The following ZNF624 variants were observed in gnomAD, a reference collection of about 807,000 sequenced individuals.
ZNF624 encodes the protein zinc finger protein 624.
Under a neutral mutation model 74.7 loss-of-function variants are expected in ZNF624, and 43 were observed. That is an observed-to-expected ratio of 0.58 (90% CI 0.45 to 0.74). The LOEUF is 0.74. Ranked by LOEUF, ZNF624 falls within the 30% of genes least tolerant of loss-of-function variation. The probability of loss-of-function intolerance (pLI) is 0.00; values close to 1 mark genes in which losing one functional copy is unlikely to be tolerated. For synonymous variants in ZNF624, 331 were observed against 341.3 expected, an observed-to-expected ratio of 0.97 and a Z score of 0.33; for missense variants, 820 against 1,030.0, an observed-to-expected ratio of 0.80 and a Z score of 2.79.
intron 5 of ZNF624, chr17:16,624,836 G>A: frequency 1.5e-5 from 1 of 67,766 alleles, no homozygotes. Context: ...GGGCAATATA[G>A]CAAAACCCTG....
intron 3 of ZNF624, among the ~76,000 whole-genome samples, chr17:16,637,443 A>G (rs1358263534): frequency 6.6e-6 from 1 of 152,232 alleles, no homozygotes; most frequent in African/African-American, 2.4e-5. Context: ...AGCTGGAGGC[A>G]TCGCGCTACC....
In ZNF624 at chr17:16,652,842, C is replaced by T. The variant is rs555794396; in HGVS notation, c.-3+922G>A. Among the ~76,000 whole-genome samples, 3 of 152,296 alleles carry T rather than the reference C, an allele frequency of 2.0e-5. No individual in the cohort carries two copies. In the East Asian group the frequency reaches 5.8e-4, roughly 29 times the overall value. On this transcript the variant is annotated intron_variant, in intron 1 of 5. Coordinates refer to ENST00000311331, the MANE Select transcript of ZNF624 (RefSeq NM_020787.4). Reference sequence around the variant, plus strand: ...CAGGTTCTAACCCTGCTTTGGCTACCGTAAAACTGTGACCACAGGCAAGTC... The same window carrying T: ...CAGGTTCTAACCCTGCTTTGGCTACTGTAAAACTGTGACCACAGGCAAGTC...
intron 3 of ZNF624, among the ~76,000 whole-genome samples, chr17:16,635,836 T>C (rs1291402668): frequency 6.6e-6 from 1 of 151,734 alleles, no homozygotes; most frequent in Non-Finnish European, 1.5e-5. Flanking sequence ...AGTTCTGAGT[T>C]TGAATAGGAA....
chr17:16,624,007 T>C lies in ZNF624; in HGVS notation c.879A>G (p.Gln293=). Residue 293 remains glutamine, a synonymous_variant, in exon 6 of 6, where the codon CAA becomes CAG. Transcript: ENST00000311331. ...KAFHYRSLLI[Q]HQRTHTKEKP... ...TTTCTTTAGTATGAGTTCTTTGATG[T>C]TGAATGAGCAATGATCTATAATGAA... 3 of 1,613,708 alleles carry C rather than the reference T, an allele frequency of 1.9e-6. No individual in the cohort carries two copies. Among genetic ancestry groups the C allele is most frequent in the Non-Finnish European group, 2.5e-6 (3 of 1,179,948 alleles).
intron 5 of ZNF624, among the ~76,000 whole-genome samples, chr17:16,630,490 G>A (rs1310615319): frequency 2.0e-5 from 3 of 152,210 alleles, no homozygotes; most frequent in Non-Finnish European, 4.4e-5. Context: ...CTGGGAGGCA[G>A]AGTTTGCAGT....
Position 16,623,046 on chromosome 17 carries a change from A to G in ZNF624, c.1840T>C (p.Cys614Arg). 1.9e-6 allele frequency: 3 copies of G among 1,614,012 alleles called. No homozygotes were observed. Among genetic ancestry groups the G allele is most frequent in the Non-Finnish European group, 2.5e-6 (3 of 1,179,960 alleles). ...GTGAATGCCCTCTCGCAGTCAGTACATTTATATGGTTTCTCTCCAGTGTGA... is the reference window on the plus strand; with the variant it reads ...GTGAATGCCCTCTCGCAGTCAGTACGTTTATATGGTTTCTCTCCAGTGTGA... The part of the protein sequence containing the change: ...RIHTGEKPYK[C>R]TDCERAFTKM... Residue 614 changes from cysteine to arginine, a missense_variant, in exon 6 of 6, where the codon TGT (cysteine) becomes CGT (arginine). By Grantham distance (180) the Cys-to-Arg change is radical (BLOSUM62 -3). Transcript: ENST00000311331. This position sits in a 1 kb window ranked among gnomAD's most constrained non-coding sequence, Gnocchi z 5.3.
chr17:16,647,965 C>T (rs112316073), intron 2 of ZNF624, among the ~76,000 whole-genome samples: 7,811 of 151,736 alleles, frequency 0.051, 271 homozygotes, highest in Middle Eastern at 0.099. Context: ...CAGAGTCTTA[C>T]TCTGTCGCTG....
At chr17:16,615,911 A>C (rs1286516561), downstream of ZNF624, among the ~76,000 whole-genome samples, 1 of 147,854 alleles carries the variant, frequency 6.8e-6, no homozygotes, top group East Asian at 2.0e-4. Flanking sequence ...GAATTTAGCA[A>C]GGTCACTGGA....
chr17:16,616,119 GA>G (rs1366277952), downstream of ZNF624, among the ~76,000 whole-genome samples: 2 of 146,192 alleles, frequency 1.4e-5, no homozygotes, highest in Non-Finnish European at 3.0e-5. Flanking sequence ...TTCTACAATT[GA>G]AAAAATATAG....
intron 3 of ZNF624, among the ~76,000 whole-genome samples, chr17:16,636,619 G>A (rs143609654): frequency 2.6e-5 from 4 of 152,238 alleles, no homozygotes; most frequent in African/African-American, 4.8e-5. Flanking sequence ...GGCGGATCAC[G>A]AGGTCAGGAG....
chr17:16,649,975 T>C (rs1430536354), intron 1 of ZNF624, among the ~76,000 whole-genome samples: 1 of 152,216 alleles, frequency 6.6e-6, no homozygotes, highest in African/African-American at 2.4e-5. Flanking sequence ...GGTTTTAAAA[T>C]ACTTTCTCAT....
At chr17:16,618,955 G>A (rs183322707), downstream of ZNF624, among the ~76,000 whole-genome samples, 4 of 152,276 alleles carry the variant, frequency 2.6e-5, no homozygotes, top group African/African-American at 9.6e-5. Context: ...TATTGTGTAA[G>A]GGGTCAGTTC....
intron 5 of ZNF624, among the ~76,000 whole-genome samples, chr17:16,629,642 T>C (rs1464892895): frequency 1.3e-5 from 2 of 152,128 alleles, no homozygotes; most frequent in African/African-American, 2.4e-5. Flanking sequence ...TCTCAGCTCA[T>C]TGCAACCTCC....
chr17:16,643,613 CTG>C (rs1310757082), intron 3 of ZNF624, among the ~76,000 whole-genome samples: 6 of 152,078 alleles, frequency 3.9e-5, no homozygotes, highest in Non-Finnish European at 7.4e-5. Context: ...GTTACAAACT[CTG>C]TGAATATATT....
intron 1 of ZNF624, among the ~76,000 whole-genome samples, chr17:16,650,274 CTG>C (rs891340628): frequency 4.6e-5 from 7 of 152,010 alleles, no homozygotes; most frequent in Non-Finnish European, 8.8e-5. Context: ...TTTCAGAGAT[CTG>C]TTTCATGTAA....
intron 3 of ZNF624, among the ~76,000 whole-genome samples, chr17:16,642,420 G>C (rs1322410545): frequency 1.3e-5 from 2 of 152,160 alleles, no homozygotes; most frequent in Non-Finnish European, 2.9e-5. Context: ...AATGAGTAGA[G>C]AATAGTCTTT....
At chr17:16,647,976 C>T (rs948277332) in intron 2 of ZNF624, among the ~76,000 whole-genome samples, 1 of 151,776 alleles carries the variant, frequency 6.6e-6, no homozygotes, top group African/African-American at 2.4e-5. Flanking sequence ...TCTGTCGCTG[C>T]CCAGGCTGGA....
chr17:16,618,674 A>AC (rs1369309248), downstream of ZNF624, among the ~76,000 whole-genome samples: 2 of 142,210 alleles, frequency 1.4e-5, no homozygotes. Flanking sequence ...AGCAAGACCA[A>AC]CCCCTCGTCG....
chr17:16,632,472 CG>C (rs1273749968), intron 5 of ZNF624, among the ~76,000 whole-genome samples: 12 of 152,050 alleles, frequency 7.9e-5, no homozygotes, highest in Non-Finnish European at 1.6e-4. Context: ...TTTCCCTCTT[CG>C]TAGGGGAAAA....
Sources: gnomAD v4.1 joint callset for allele counts (sites outside exome capture counted in the v4.1 genomes callset) on GRCh38, gnomAD v4.1.1 for gene constraint, Gnocchi (gnomAD v3.1) non-coding constraint, MANE v1.5 for transcripts, NCBI Gene and HGNC (gene_info 2026-07-23, HGNC 2026-07-21) for gene names.